The following ASTN2 variants were observed in gnomAD, a reference collection of about 807,000 sequenced individuals.
ASTN2 encodes the protein astrotactin 2.
ASTN2 carries 54 observed loss-of-function variants against 139.8 expected under a neutral mutation model. The observed-to-expected ratio is 0.39, with a 90% CI of 0.31 to 0.48. The LOEUF is 0.48. Among genes scored for constraint, ASTN2 ranks in the 20% least tolerant of loss-of-function variants. The probability of loss-of-function intolerance (pLI) is 0.95; values close to 1 mark genes in which losing one functional copy is unlikely to be tolerated. For missense variants in ASTN2, 1,565 were observed against 1,725.1 expected (o/e 0.91, Z 1.64); for synonymous variants, 756 against 719.5 (o/e 1.05, Z -0.81).
intron 5 of ASTN2, among the ~76,000 whole-genome samples, chr9:117,069,207 T>C (rs1828039099): frequency 1.1e-5 from 1 of 88,958 alleles, no homozygotes; most frequent in African/African-American, 5.1e-5. Flanking sequence ...TGGTATGTTG[T>C]GTCTTTGTTC....
intron 12 of ASTN2, among the ~76,000 whole-genome samples, chr9:116,809,916 A>C (rs1238979021): frequency 6.6e-6 from 1 of 152,176 alleles, no homozygotes; most frequent in South Asian, 2.1e-4. Flanking sequence ...ATCTATGCTG[A>C]CATGATTCAA....
chr9:116,745,828 T>G (rs971850066), intron 13 of ASTN2, among the ~76,000 whole-genome samples: 22 of 152,256 alleles, frequency 1.4e-4, no homozygotes, highest in Middle Eastern at 3.2e-3. Flanking sequence ...CTCCATGTAT[T>G]AGCATTCTAT....
chr9:117,143,826 A>AG (rs1830130772), intron 3 of ASTN2, among the ~76,000 whole-genome samples: 1 of 150,588 alleles, frequency 6.6e-6, no homozygotes. Context: ...GAAAAAAAAA[A>AG]CCTCTCCCTT....
intron 3 of ASTN2, among the ~76,000 whole-genome samples, chr9:117,210,679 A>G (rs1354873800): frequency 6.6e-6 from 1 of 152,168 alleles, no homozygotes; most frequent in African/African-American, 2.4e-5. Flanking sequence ...ACATTGAAGC[A>G]GAGGGAATTC....
intron 3 of ASTN2, among the ~76,000 whole-genome samples, chr9:117,168,835 TG>T (rs1182538001): frequency 6.6e-6 from 1 of 152,196 alleles, no homozygotes; most frequent in Non-Finnish European, 1.5e-5. Flanking sequence ...TATTGCAGTT[TG>T]TTTTTTTCAT....
At chr9:116,645,525 A>G (rs545846151) in intron 17 of ASTN2, among the ~76,000 whole-genome samples, 48 of 152,170 alleles carry the variant, frequency 3.2e-4, no homozygotes, top group African/African-American at 1.0e-3. Flanking sequence ...GGCCATCGAG[A>G]ATACCTTGGT....
chr9:116,522,308 T>A (rs1850910244), intron 19 of ASTN2, among the ~76,000 whole-genome samples: 1 of 152,128 alleles, frequency 6.6e-6, no homozygotes, highest in South Asian at 2.1e-4. Context: ...ATGTAGCATA[T>A]ATATACCATG....
chr9:117,141,532 A>G (rs1471170149), intron 3 of ASTN2, 54 bp from the exon 4 acceptor site: 3 of 1,323,786 alleles, frequency 2.3e-6, no homozygotes, highest in Non-Finnish European at 3.0e-6. Flanking sequence ...CTCAGCACCT[A>G]GAGCACTGGG....
At chr9:116,922,012 C>T (rs1834626352) in intron 10 of ASTN2, among the ~76,000 whole-genome samples, 1 of 152,136 alleles carries the variant, frequency 6.6e-6, no homozygotes, top group Non-Finnish European at 1.5e-5. Context: ...CAAATCCAAA[C>T]CATATCACCA....
At chr9:117,055,500 A>T (rs1839032956) in intron 5 of ASTN2, among the ~76,000 whole-genome samples, 1 of 152,176 alleles carries the variant, frequency 6.6e-6, no homozygotes, top group Non-Finnish European at 1.5e-5. Flanking sequence ...AAACATAAAA[A>T]AAGATCTGAA....
At chr9:117,081,368 C>A (rs926958508) in intron 5 of ASTN2, among the ~76,000 whole-genome samples, 1 of 151,980 alleles carries the variant, frequency 6.6e-6, no homozygotes, top group Admixed American at 6.6e-5. Context: ...ACCCTCAGCC[C>A]CTTCACTTTC....
intron 3 of ASTN2, among the ~76,000 whole-genome samples, chr9:117,162,826 C>T (rs1395382920): frequency 6.6e-6 from 1 of 151,996 alleles, no homozygotes; most frequent in Non-Finnish European, 1.5e-5. Flanking sequence ...GTGAACAGAT[C>T]TCATTAGAGA....
intron 13 of ASTN2, among the ~76,000 whole-genome samples, chr9:116,770,103 T>TA (rs3041036): frequency 0.22 from 29,341 of 135,176 alleles, 2,998 homozygotes; most frequent in Middle Eastern, 0.26. Context: ...CTCTGAGAGT[T>TA]AAAAAAAAAA....
chr9:117,360,318 A>G (rs1443806941), intron 1 of ASTN2, among the ~76,000 whole-genome samples: 4 of 152,154 alleles, frequency 2.6e-5, no homozygotes, highest in Non-Finnish European at 5.9e-5. Flanking sequence ...GGTGAAGTGT[A>G]ATGTGGAAAT....
chr9:117,122,398 A>G (rs13283817), intron 4 of ASTN2, among the ~76,000 whole-genome samples: 16,533 of 151,838 alleles, frequency 0.11, 1,106 homozygotes, highest in Non-Finnish European at 0.16. Context: ...CATAGCATCC[A>G]CCACAATTGC....
At chr9:116,630,889 TGG>T (rs1483117811) in intron 17 of ASTN2, among the ~76,000 whole-genome samples, 1 of 151,796 alleles carries the variant, frequency 6.6e-6, no homozygotes, top group East Asian at 1.9e-4. Context: ...AATTTAAAAA[TGG>T]GCAAGAGAGC....
At chr9:116,517,184 C>A (rs932562487) in intron 19 of ASTN2, among the ~76,000 whole-genome samples, 1 of 152,206 alleles carries the variant, frequency 6.6e-6, no homozygotes, top group Admixed American at 6.5e-5. Flanking sequence ...GAAAGTGTCA[C>A]CTCCTGGCTG....
chr9:117,228,180 G>A (rs1832775367), intron 2 of ASTN2, among the ~76,000 whole-genome samples: 1 of 151,588 alleles, frequency 6.6e-6, no homozygotes, highest in African/African-American at 2.4e-5. Flanking sequence ...AACTATATAT[G>A]TTATAGAGTA....
At chr9:116,690,434 C>T (rs1588204772) in intron 16 of ASTN2, among the ~76,000 whole-genome samples, 1 of 152,190 alleles carries the variant, frequency 6.6e-6, no homozygotes, top group Non-Finnish European at 1.5e-5. Context: ...CCTTTTCCAA[C>T]CCTTCAGAGC....
Sources: gnomAD v4.1 joint callset for allele counts (sites outside exome capture counted in the v4.1 genomes callset) on GRCh38, gnomAD v4.1.1 for gene constraint, MANE v1.5 for transcripts, NCBI Gene and HGNC (gene_info 2026-07-23, HGNC 2026-07-21) for gene names.